Variants in PDE10A observed in about 807,000 individuals in gnomAD.
PDE10A encodes the protein phosphodiesterase 10A, also known as cAMP and cAMP-inhibited cGMP 3',5'-cyclic phosphodiesterase 10A.
A neutral mutation model predicts 97.7 loss-of-function variants in PDE10A; 39 were observed. The observed-to-expected ratio is 0.40, with a 90% CI of 0.31 to 0.52. The LOEUF is 0.52. PDE10A is among the 20% of genes least tolerant of loss of function. PDE10A has a pLI of 0.56. For synonymous variants in PDE10A, 371 were observed against 376.8 expected (o/e 0.98, Z 0.18); for missense variants, 731 against 1,047.8 (o/e 0.70, Z 4.17).
intron 1 of PDE10A, among the ~76,000 whole-genome samples, chr6:165,555,388 G>T (rs1784204418): frequency 6.6e-6 from 1 of 152,058 alleles, no homozygotes; most frequent in Non-Finnish European, 1.5e-5. Flanking sequence ...CAAAAGATGG[G>T]CCCCAAAACA....
At chr6:165,504,014 T>C (rs574878326) in intron 2 of PDE10A, among the ~76,000 whole-genome samples, 1 of 152,196 alleles carries the variant, frequency 6.6e-6, no homozygotes, top group Non-Finnish European at 1.5e-5. Flanking sequence ...CTGTTAATTA[T>C]AATCAATTAC....
In PDE10A at chr6:165,375,100, A is replaced by G. The variant is rs578080204; in HGVS notation, c.2783+4094T>C. Among the ~76,000 whole-genome samples the G allele has an allele frequency of 2.0e-5, 3 of 152,292 alleles. No homozygotes were observed. The South Asian group carries it at 6.2e-4, about 32-fold the overall frequency. On this transcript the variant is annotated intron_variant, in intron 18 of 21. Transcript: ENST00000539869. Reference sequence around the variant, plus strand: ...AACATCCTTGTTCCCTAAAAGCAGTAATATTAAAATTAGGCCAATTAATAA... The same window carrying G: ...AACATCCTTGTTCCCTAAAAGCAGTGATATTAAAATTAGGCCAATTAATAA...
intron 10 of PDE10A, among the ~76,000 whole-genome samples, chr6:165,421,713 G>T (rs1788705124): frequency 1.3e-5 from 2 of 152,098 alleles, no homozygotes; most frequent in African/African-American, 4.8e-5. Context: ...CTTGTTTGAG[G>T]ATAATGTTAT....
intron 16 of PDE10A, among the ~76,000 whole-genome samples, chr6:165,391,551 A>G (rs188453128): frequency 2.0e-5 from 3 of 152,334 alleles, no homozygotes; most frequent in African/African-American, 7.2e-5. Flanking sequence ...TCAATAGAAA[A>G]GGACTTTGTT....
chr6:165,648,171 C>T (rs1789501940), intron 1 of PDE10A, among the ~76,000 whole-genome samples: 1 of 152,114 alleles, frequency 6.6e-6, no homozygotes, highest in Non-Finnish European at 1.5e-5. Context: ...CACCACCACG[C>T]CCAGCTAATT....
intron 1 of PDE10A, among the ~76,000 whole-genome samples, chr6:165,806,069 AAG>A (rs1439535483): frequency 1.7e-4 from 24 of 139,870 alleles, no homozygotes; most frequent in East Asian, 7.1e-4. Context: ...AAAAAAAAAA[AAG>A]ATCAAACAGC....
chr6:165,367,752 T>G (rs1048261220), intron 18 of PDE10A, among the ~76,000 whole-genome samples: 4 of 150,792 alleles, frequency 2.7e-5, no homozygotes, highest in Admixed American at 6.6e-5. Context: ...CTAAGTCCAG[T>G]GAAAATATCT....
At chr6:165,363,207 C>G (rs962168313) in intron 18 of PDE10A, among the ~76,000 whole-genome samples, 2 of 152,060 alleles carry the variant, frequency 1.3e-5, no homozygotes, top group Non-Finnish European at 2.9e-5. Context: ...ATAAGCCAAA[C>G]CAATGATTAA....
chr6:165,894,440 G>C (rs756154003), intron 1 of PDE10A: 17 of 455,792 alleles, frequency 3.7e-5, no homozygotes, highest in Non-Finnish European at 6.2e-5. Context: ...CCTGCATTCA[G>C]GCTCCAAAAA....
At chr6:165,704,035 C>G (rs2128444353) in intron 1 of PDE10A, among the ~76,000 whole-genome samples, 1 of 152,314 alleles carries the variant, frequency 6.6e-6, no homozygotes, top group Non-Finnish European at 1.5e-5. Context: ...CAAACATATT[C>G]ACACTCGTTC....
At chr6:165,888,968 C>T (rs1301439507) in intron 1 of PDE10A, among the ~76,000 whole-genome samples, 1 of 152,124 alleles carries the variant, frequency 6.6e-6, no homozygotes, top group Non-Finnish European at 1.5e-5. Context: ...CAATCACAGC[C>T]ATCTATTTAC....
chr6:165,347,890 T>C (rs1782423669), intron 18 of PDE10A, among the ~76,000 whole-genome samples: 1 of 151,760 alleles, frequency 6.6e-6, no homozygotes, highest in South Asian at 2.1e-4. Context: ...ACATTTGTTG[T>C]TCTTCAAAGC....
intron 5 of PDE10A, 27 bp from the exon 6 acceptor site, chr6:165,435,404 G>C: frequency 6.2e-7 from 1 of 1,605,862 alleles, no homozygotes; most frequent in South Asian, 1.1e-5. Flanking sequence ...ATGTTTTACA[G>C]ACTTTCCTGT....
At chr6:165,892,073 C>T (rs904798568) in intron 1 of PDE10A, among the ~76,000 whole-genome samples, 41 of 152,108 alleles carry the variant, frequency 2.7e-4, no homozygotes, top group Admixed American at 2.0e-4. Flanking sequence ...ATCCATGAGG[C>T]GGGTGAAGAA....
chr6:165,977,283 C>T (rs1327317926), intron 1 of PDE10A, among the ~76,000 whole-genome samples: 5 of 152,218 alleles, frequency 3.3e-5, no homozygotes, highest in African/African-American at 1.2e-4. Context: ...TTGAGCTGAA[C>T]TTACGGACTT....
intron 1 of PDE10A, among the ~76,000 whole-genome samples, chr6:165,877,579 G>A (rs763760902): frequency 9.2e-5 from 14 of 152,074 alleles, no homozygotes; most frequent in Non-Finnish European, 1.2e-4. Flanking sequence ...TGTACAGCAT[G>A]GTGTTTTGAA....
At chr6:165,347,491 C>T (rs1195039971) in intron 18 of PDE10A, among the ~76,000 whole-genome samples, 3 of 152,070 alleles carry the variant, frequency 2.0e-5, no homozygotes, top group Admixed American at 2.0e-4. Context: ...TTTAAAAATA[C>T]ATTTTTCTCC....
At chr6:165,495,695 A>T (rs1158418990) in intron 2 of PDE10A, among the ~76,000 whole-genome samples, 1 of 152,186 alleles carries the variant, frequency 6.6e-6, no homozygotes, top group Non-Finnish European at 1.5e-5. Context: ...GACTCTATTT[A>T]TCCAGCTGGA....
intron 1 of PDE10A, among the ~76,000 whole-genome samples, chr6:165,973,468 C>T (rs1784756880): frequency 1.3e-5 from 2 of 151,760 alleles, no homozygotes; most frequent in Admixed American, 1.3e-4. Flanking sequence ...CTTAGGATCC[C>T]TGCATATGTT....
Sources: gnomAD v4.1 joint callset for allele counts (sites outside exome capture counted in the v4.1 genomes callset) on GRCh38, gnomAD v4.1.1 for gene constraint, MANE v1.5 for transcripts, NCBI Gene and HGNC (gene_info 2026-07-23, HGNC 2026-07-21) for gene names.